Variants in MAX observed in about 807,000 individuals in gnomAD.
The protein encoded by MAX is protein max.
Under a neutral mutation model 22.3 loss-of-function variants are expected in MAX, and 3 were observed. The observed-to-expected ratio is 0.13, with a 90% CI of 0.06 to 0.35. The LOEUF (loss-of-function observed/expected upper bound fraction) is 0.35, where lower values mean the gene tolerates loss of function less well. MAX is among the 10% of genes least tolerant of loss of function. The pLI, the probability that MAX is intolerant of heterozygous loss-of-function variation, is 1.00. For missense variants in MAX, 119 were observed against 209.4 expected, an observed-to-expected ratio of 0.57 and a Z score of 2.66; for synonymous variants, 72 against 77.7, an observed-to-expected ratio of 0.93 and a Z score of 0.39.
In MAX at chr14:65,082,681, C is replaced by A. The variant is rs1018299348; in HGVS notation, c.172-4645G>T. On this transcript the variant is annotated intron_variant, in intron 3 of 4. Coordinates refer to ENST00000358664, the MANE Select transcript of MAX (RefSeq NM_002382.5). The surrounding 1 kb of genome is among the most constrained non-coding windows in gnomAD (Gnocchi z 4.8). Reference sequence around the variant, plus strand: ...ACTTGGGAGGCAAAGGTGGGAGGATCTCTTGAGCCCATGGGGCTGAAGCTG... The same window carrying A: ...ACTTGGGAGGCAAAGGTGGGAGGATATCTTGAGCCCATGGGGCTGAAGCTG... Among the ~76,000 whole-genome samples the A allele has an allele frequency of 2.0e-5, 3 of 151,708 alleles. No homozygotes were observed. Among genetic ancestry groups the A allele is most frequent in the Admixed American group, 6.6e-5 (1 of 15,224 alleles).
rs1435018573 is a variant in MAX at position 65,093,815 on chromosome 14, C to A, written c.64G>T (p.Ala22Ser). Residue 22 changes from alanine (A) to serine (S), a missense_variant and splice_region_variant, in exon 3 of 5, where the codon GCT (alanine) becomes TCT (serine). By Grantham distance (99) the Ala-to-Ser change is moderately conservative. This residue lies in a region of MAX where 24 missense variants were observed against 42.7 expected (regional missense o/e 0.56). Coordinates refer to ENST00000358664, the MANE Select transcript of MAX (RefSeq NM_002382.5). The surrounding 1 kb of genome is among the most constrained non-coding windows in gnomAD (Gnocchi z 4.4). The part of the protein sequence containing the change: ...DEEQPRFQSA[A>S]DKRAHHNALE... The stretch of plus-strand genomic sequence containing the variant: ...GCATTATGATGAGCCCGTTTGTCAG[C>A]CTAGAAGAATGGGAGAAAGAACACA... The A allele has an allele frequency of 6.4e-7, 1 of 1,550,788 alleles. No homozygotes were observed. Among genetic ancestry groups the A allele is most frequent in the Non-Finnish European group, 8.9e-7 (1 of 1,122,250 alleles).
At chr14:65,048,169 G>A (rs2062526611) in intron 3 of MAX, among the ~76,000 whole-genome samples, 1 of 151,608 alleles carries the variant, frequency 6.6e-6, no homozygotes, top group Non-Finnish European at 1.5e-5. Context: ...TTTTAGTAGA[G>A]ACAGGATATG....
chr14:65,084,075 G>A lies in MAX; in HGVS notation c.172-6039C>T. On this transcript the variant is annotated intron_variant, in intron 3 of 4. Transcript: ENST00000358664. This position sits in a 1 kb window ranked among gnomAD's most constrained non-coding sequence, Gnocchi z 4.3. ...GCTGCCAGGGCCTCCCCAGCCACAG[G>A]ACCATTTTGCTGATTACCAGGGTAA... 1 of 1,597,630 alleles carries A rather than the reference G, an allele frequency of 6.3e-7. No individual in the cohort carries two copies. Among genetic ancestry groups the A allele is most frequent in the Admixed American group, 1.7e-5 (1 of 59,528 alleles).
At chr14:65,026,936 G>A (rs1218614448) in intron 3 of MAX, among the ~76,000 whole-genome samples, 3 of 152,124 alleles carry the variant, frequency 2.0e-5, no homozygotes, top group Non-Finnish European at 4.4e-5. Flanking sequence ...AGGCTTAGGT[G>A]GCAATGGGAG....
rs1398427184 is a variant in MAX, at chr14:65,009,623, C to T, written c.172-3339G>A. ...TACCCTCATCCCAGCCCTCCTCCAT[C>T]CTCTTTACAGACCTTCCCTATGGAT... On this transcript the variant is annotated intron_variant, in intron 3 of 3. Transcript: ENST00000341653. The surrounding 1 kb of genome is among the most constrained non-coding windows in gnomAD (Gnocchi z 4.2). Among the ~76,000 whole-genome samples, 1 of 152,158 alleles carries T rather than the reference C, an allele frequency of 6.6e-6. No individual in the cohort carries two copies. Among genetic ancestry groups the T allele is most frequent in the Non-Finnish European group, 1.5e-5 (1 of 68,044 alleles).
At chr14:65,053,309 T>C in intron 3 of MAX, 1 of 1,455,292 alleles carries the variant, frequency 6.9e-7, no homozygotes, top group Non-Finnish European at 9.1e-7. Context: ...CCTGATGTGC[T>C]GCCAGTGCCC....
At chr14:65,067,764 G>A (rs1595119095) in intron 3 of MAX, among the ~76,000 whole-genome samples, 1 of 151,592 alleles carries the variant, frequency 6.6e-6, no homozygotes, top group East Asian at 1.9e-4. Context: ...TGGGACCACA[G>A]GCACACACCA....
At chr14:65,061,337 T>A (rs1271326997) in intron 3 of MAX, 1 of 1,612,868 alleles carries the variant, frequency 6.2e-7, no homozygotes. Flanking sequence ...GGCAGCTCTT[T>A]GCTCACCCAT....
Position 65,032,532 on chromosome 14 carries a change from C to G in MAX, c.172-26248G>C. On this transcript the variant is annotated intron_variant, in intron 3 of 3. Coordinates refer to the MAX transcript ENST00000341653. The surrounding 1 kb of genome is among the most constrained non-coding windows in gnomAD (Gnocchi z 5.0). The stretch of plus-strand genomic sequence containing the variant: ...ATTACAGCTTACTAGGCAAGGCGAG[C>G]AGTCCGCCCGCGGAGTTCACTGAGC... The G allele has an allele frequency of 6.6e-7, 1 of 1,516,976 alleles. No homozygotes were observed. The highest frequency in any genetic ancestry group is 8.9e-7 in the Non-Finnish European group (1 of 1,121,022). The allele number at this position is 1,516,976 out of a possible 1,614,324, so 94.0% of individuals were successfully genotyped here.
rs2061930584 is a variant in MAX, at chr14:65,023,856, T to C, written c.172-17572A>G. Among the ~76,000 whole-genome samples, 1 of 152,028 alleles carries C rather than the reference T, an allele frequency of 6.6e-6. No individual in the cohort carries two copies. The highest frequency in any genetic ancestry group is 2.4e-5 in the African/African-American group (1 of 41,384). ...TGGCTCACGCCTGTAATCCTAGCAC[T>C]TTGGGAGGCCAAGGCGGGCGGATTG... On this transcript the variant is annotated intron_variant, in intron 3 of 3. Coordinates refer to the MAX transcript ENST00000341653. The surrounding 1 kb of genome is among the most constrained non-coding windows in gnomAD (Gnocchi z 4.1).
downstream of MAX, among the ~76,000 whole-genome samples, chr14:65,073,157 C>A (rs2063006789): frequency 6.6e-6 from 1 of 152,170 alleles, no homozygotes; most frequent in South Asian, 2.1e-4. Flanking sequence ...CTATTATTAT[C>A]CTCATTTTAT....
chr14:65,083,476 A>G (rs974392703), intron 3 of MAX, among the ~76,000 whole-genome samples: 1 of 152,220 alleles, frequency 6.6e-6, no homozygotes, highest in Non-Finnish European at 1.5e-5. Context: ...AGTAACTTGG[A>G]TTTCTGTAAA....
At chr14:65,019,739 T>C (rs1223054305) in intron 3 of MAX, among the ~76,000 whole-genome samples, 1 of 152,202 alleles carries the variant, frequency 6.6e-6, no homozygotes, top group South Asian at 2.1e-4. Context: ...AATAATGTAT[T>C]TTGCTTTGTG....
rs1446814550 is a variant in MAX at position 65,032,114 on chromosome 14, C to T, written c.172-25830G>A. Among the ~76,000 whole-genome samples the T allele has an allele frequency of 1.3e-5, 2 of 151,684 alleles. No individual in the cohort carries two copies. Among genetic ancestry groups the T allele is most frequent in the Non-Finnish European group, 2.9e-5 (2 of 67,970 alleles). ...TCACCTGTTCCTATCCTTGTTTGAT[C>T]TATTACAATTTGGTGGCCTGTTTTG... On this transcript the variant is annotated intron_variant, in intron 3 of 3. Transcript: ENST00000341653. This position sits in a 1 kb window ranked among gnomAD's most constrained non-coding sequence, Gnocchi z 5.0.
chr14:65,083,991 A>C, intron 3 of MAX: 1 of 1,472,672 alleles, frequency 6.8e-7, no homozygotes, highest in Non-Finnish European at 9.0e-7. Flanking sequence ...CCAGCAAAGG[A>C]GGCTGGAAGG....
chr14:65,040,751 C>T, intron 3 of MAX: 1 of 1,602,240 alleles, frequency 6.2e-7, no homozygotes, highest in Non-Finnish European at 8.5e-7. Context: ...TACGTCCACT[C>T]ACTGGCCACT....
At chr14:65,096,247 C>G (rs979087891) in intron 2 of MAX, among the ~76,000 whole-genome samples, 2 of 152,188 alleles carry the variant, frequency 1.3e-5, no homozygotes, top group Non-Finnish European at 2.9e-5. Flanking sequence ...TTACACCAAT[C>G]CCTGCTGCCA....
At position 65,077,943 on chromosome 14, in the gene MAX, T is replaced by G. The variant is rs1233364680; in HGVS notation, c.265A>C (p.Lys89Gln). The change falls in exon 4 of 5, where the codon AAG (lysine) becomes CAG (glutamine). Residue 89 changes from lysine (K) to glutamine (Q), a missense_variant. This residue lies in a region of MAX where 95 missense variants were observed against 148.1 expected (regional missense o/e 0.64). Coordinates refer to ENST00000358664, the MANE Select transcript of MAX (RefSeq NM_002382.5). This position sits in a 1 kb window ranked among gnomAD's most constrained non-coding sequence, Gnocchi z 6.3. ...TGCTCCAGAAGAGCATTCTGCCGCTTGAGGTCGTCAATATCTTGCTGGTGT... is the reference window on the plus strand; with the variant it reads ...TGCTCCAGAAGAGCATTCTGCCGCTGGAGGTCGTCAATATCTTGCTGGTGT... ...HTHQQDIDDL[K>Q]RQNALLEQQV... 6.2e-7 allele frequency: 1 copy of G among 1,614,232 alleles called. No homozygotes were observed. The highest frequency in any genetic ancestry group is 8.5e-7 in the Non-Finnish European group (1 of 1,180,028).
rs151032084 is a variant in MAX at position 65,012,205 on chromosome 14, A to AG, written c.172-5922dup. 12,443 of 1,322,600 alleles carry AG rather than the reference A, an allele frequency of 9.4e-3. 838 individuals carry two copies. In the African/African-American group the frequency reaches 0.15, roughly 16 times the overall value. The allele number at this position is 1,322,600 out of a possible 1,614,324, so 81.9% of individuals were successfully genotyped here. A position where few individuals can be genotyped will look rare whatever the true frequency, so the allele number is the denominator to read the frequency against. On this transcript the variant is annotated intron_variant, in intron 3 of 3. Transcript: ENST00000341653. This position sits in a 1 kb window ranked among gnomAD's most constrained non-coding sequence, Gnocchi z 5.0. ...TGCTGGTTATCCAGTCAGTGATTGC[A>AG]GGGGGACGTCCTGAAGCTGAGTGTT... is the stretch of plus-strand genomic sequence containing the variant.
Sources: allele counts gnomAD v4.1 joint callset (sites outside exome capture counted in the v4.1 genomes callset), GRCh38; gene constraint gnomAD v4.1.1; regional missense constraint gnomAD v4.1.1; non-coding constraint Gnocchi (gnomAD v3.1); transcripts MANE v1.5; gene names NCBI Gene and HGNC (gene_info 2026-07-23, HGNC 2026-07-21).